ZNF233: variants seen among roughly 807,000 people sequenced by gnomAD.
The protein encoded by ZNF233 is zinc finger protein 233.
In ZNF233, 7 loss-of-function variants were observed where a neutral mutation model predicts 11.6. That is an observed-to-expected ratio of 0.60 (90% CI 0.34 to 1.13). ZNF233 has a LOEUF of 1.13. ZNF233 is among the 50% of genes most tolerant of loss of function. The probability of loss-of-function intolerance (pLI) is 0.03; values close to 1 mark genes in which losing one functional copy is unlikely to be tolerated. For missense variants in ZNF233, 711 were observed against 785.5 expected, an observed-to-expected ratio of 0.91 and a Z score of 1.13; for synonymous variants, 226 against 268.5, an observed-to-expected ratio of 0.84 and a Z score of 1.55.
Position 44,266,962 on chromosome 19 carries a change from G to T in ZNF233, c.238+1G>T. The T allele has an allele frequency of 6.2e-7, 1 of 1,612,192 alleles. No homozygotes were observed. The highest frequency in any genetic ancestry group is 8.5e-7 in the Non-Finnish European group (1 of 1,178,562). ...GAAATCCAAGGAGATGGGTGTTCAG[G>T]TGAGAACCATGGAGCTCTGAGTCTT... On this transcript the variant is annotated splice_donor_variant, in intron 4 of 4. Transcript: ENST00000683810. LOFTEE classifies it high-confidence loss of function.
At chr19:44,272,857 G>C in intron 4 of ZNF233, 42 bp from the exon 5 acceptor site, 2 of 1,363,782 alleles carry the variant, frequency 1.5e-6, no homozygotes, top group Non-Finnish European at 2.0e-6. Context: ...CAAATGTTCA[G>C]TTGTCTTCAT....
At position 44,273,763 on chromosome 19, in the gene ZNF233, A is replaced by G. The variant is rs377469482; in HGVS notation, c.1103A>G (p.Lys368Arg). 17 of 1,614,060 alleles carry G rather than the reference A, an allele frequency of 1.1e-5. No individual in the cohort carries two copies. The African/African-American group carries it at 2.0e-4, about 19-fold the overall frequency. Reference protein sequence around the residue: ...PSHELTHPGEKLCTCGRCGKG... With the variant: ...PSHELTHPGERLCTCGRCGKG... The stretch of plus-strand genomic sequence containing the variant: ...CATGAGCTTACTCACCCAGGAGAGA[A>G]GTTGTGTACATGTGGCAGGTGTGGG... Residue 368 changes from lysine (K) to arginine (R), a missense_variant, in exon 5 of 5, where the codon AAG becomes AGG. Coordinates refer to ENST00000683810, the MANE Select transcript of ZNF233 (RefSeq NM_001207005.2).
chr19:44,267,355 T>TC (rs1013856686), intron 4 of ZNF233: 5 of 384,730 alleles, frequency 1.3e-5, no homozygotes, highest in East Asian at 3.7e-5. Flanking sequence ...AGGGTGCTTT[T>TC]TTTTTTTTTT....
intron 4 of ZNF233, among the ~76,000 whole-genome samples, chr19:44,271,138 T>C (rs1358555727): frequency 6.6e-6 from 1 of 152,234 alleles, no homozygotes; most frequent in Non-Finnish European, 1.5e-5. Context: ...TGTTCACTAA[T>C]TGAATATTAT....
chr19:44,261,307 G>A (rs891616838), intron 1 of ZNF233, among the ~76,000 whole-genome samples: 1 of 151,716 alleles, frequency 6.6e-6, no homozygotes, highest in Admixed American at 6.6e-5. Context: ...ACACACCTGT[G>A]GTCCCAGCTA....
Position 44,273,318 on chromosome 19 carries a change from C to T in ZNF233, c.658C>T (p.His220Tyr), listed in dbSNP as rs1025624467. The stretch of plus-strand genomic sequence containing the variant: ...TCATTGTGTTAGGCAAAGAATTGCT[C>T]ATCAACATGATGATCATGGAGTACA... ...CDHCVRQRIAHQHDDHGVHKR... is the reference protein window; with the variant it reads ...CDHCVRQRIAYQHDDHGVHKR... The change falls in exon 5 of 5, where the codon CAT becomes TAT. Residue 220 changes from histidine to tyrosine, a missense_variant. His to Tyr is a moderately conservative substitution (Grantham distance 83). Coordinates refer to ENST00000683810, the MANE Select transcript of ZNF233 (RefSeq NM_001207005.2). 7.4e-6 allele frequency: 12 copies of T among 1,614,108 alleles called. No individual in the cohort carries two copies. The highest frequency in any genetic ancestry group is 1.0e-5 in the Non-Finnish European group (12 of 1,180,024).
chr19:44,261,648 CTTTTTTT>C (rs910276344), intron 1 of ZNF233, among the ~76,000 whole-genome samples: 5 of 128,286 alleles, frequency 3.9e-5, no homozygotes, highest in South Asian at 2.5e-4. Flanking sequence ...AATGATTTCA[CTTTTTTT>C]TTTTTTTTTT....
intron 2 of ZNF233, among the ~76,000 whole-genome samples, chr19:44,265,350 T>C (rs1975043545): frequency 7.0e-6 from 1 of 142,178 alleles, no homozygotes; most frequent in Admixed American, 7.5e-5. Context: ...CTGAGTAGTA[T>C]TCCATCATAT....
chr19:44,275,052 C>G lies in ZNF233; in HGVS notation c.*379C>G, dbSNP rs546082140. 47 of 406,554 alleles carry G rather than the reference C, an allele frequency of 1.2e-4. No homozygotes were observed. The highest frequency in any genetic ancestry group is 8.8e-4 in the African/African-American group (43 of 48,760). 25.2% of individuals were successfully genotyped at this position (406,554 alleles called of 1,614,324 possible). A position where few individuals can be genotyped will look rare whatever the true frequency, so the allele number is the denominator to read the frequency against. ...AGTATAATGAGGGACATGACAAAAT[C>G]TGTGTCCACTAGAATCTAAGCTCCA... On this transcript the variant is annotated 3_prime_UTR_variant, in exon 5 of 5. Coordinates refer to ENST00000683810, the MANE Select transcript of ZNF233 (RefSeq NM_001207005.2).
intron 4 of ZNF233, among the ~76,000 whole-genome samples, chr19:44,271,596 G>T (rs1200368703): frequency 6.6e-6 from 1 of 151,480 alleles, no homozygotes; most frequent in Admixed American, 6.6e-5. Context: ...TGCAAGCTCT[G>T]CCTCCTGGGT....
chr19:44,271,512 A>ATTT (rs777837579), intron 4 of ZNF233, among the ~76,000 whole-genome samples: 88 of 143,002 alleles, frequency 6.2e-4, no homozygotes, highest in African/African-American at 2.1e-3. Context: ...AGAGGAGAGG[A>ATTT]TTTTTTTTTT....
intron 4 of ZNF233, among the ~76,000 whole-genome samples, chr19:44,272,578 C>CA (rs1406693743): frequency 3.3e-5 from 5 of 151,098 alleles, no homozygotes; most frequent in African/African-American, 4.9e-5. Flanking sequence ...ACTAAAAATA[C>CA]AAAAAAATGA....
At chr19:44,267,381 T>TCTCA (rs1975120995) in intron 4 of ZNF233, 1 of 396,874 alleles carries the variant, frequency 2.5e-6, no homozygotes, top group African/African-American at 2.1e-5. Context: ...TTAAGACAGG[T>TCTCA]CTCACTCTGT....
chr19:44,266,836 C>T (rs1194615266), intron 3 of ZNF233, 30 bp from the exon 4 acceptor site: 1 of 1,569,252 alleles, frequency 6.4e-7, no homozygotes, highest in Non-Finnish European at 8.7e-7. Context: ...AATGCATTCA[C>T]TTTATATATA....
rs764720485 is a variant in ZNF233 at position 44,266,904 on chromosome 19, G to A, written c.181G>A (p.Gly61Arg). The change falls in exon 4 of 5, where the codon GGA (glycine) becomes AGA (arginine). Residue 61 changes from glycine to arginine, a missense_variant. Coordinates refer to ENST00000683810, the MANE Select transcript of ZNF233 (RefSeq NM_001207005.2). ...CAAACTAGATGTGATATTACAGTTGGGAAAAGAAGACAAGCTTCGGATGAT... is the reference window on the plus strand; with the variant it reads ...CAAACTAGATGTGATATTACAGTTGAGAAAAGAAGACAAGCTTCGGATGAT... ...PFKLDVILQL[G>R]KEDKLRMMET... 7 of 1,613,822 alleles carry A rather than the reference G, an allele frequency of 4.3e-6. No individual in the cohort carries two copies. Among genetic ancestry groups the A allele is most frequent in the Non-Finnish European group, 5.9e-6 (7 of 1,179,880 alleles).
intron 2 of ZNF233, among the ~76,000 whole-genome samples, chr19:44,265,742 T>C (rs1165342967): frequency 2.1e-4 from 32 of 152,188 alleles, no homozygotes; most frequent in Admixed American, 2.1e-3. Context: ...TATGTACTCA[T>C]TGATTGATGG....
chr19:44,264,136 T>C (rs906427606), intron 1 of ZNF233, among the ~76,000 whole-genome samples, 178 bp from the exon 2 acceptor site: 1 of 152,130 alleles, frequency 6.6e-6, no homozygotes, highest in African/African-American at 2.4e-5. Flanking sequence ...GAGATGGGGT[T>C]TCGTCATGTT....
chr19:44,262,440 G>A (rs575438335), intron 1 of ZNF233, among the ~76,000 whole-genome samples: 1 of 152,324 alleles, frequency 6.6e-6, no homozygotes, highest in East Asian at 1.9e-4. Context: ...AGTGAGCAGA[G>A]CTGAGCCAGG....
chr19:44,265,711 C>T (rs1454498304), intron 2 of ZNF233, among the ~76,000 whole-genome samples: 9 of 152,158 alleles, frequency 5.9e-5, no homozygotes, highest in African/African-American at 2.2e-4. Flanking sequence ...TGAGCCACTG[C>T]GGCCGGCCAC....
Sources: gnomAD v4.1 joint callset for allele counts (sites outside exome capture counted in the v4.1 genomes callset) on GRCh38, gnomAD v4.1.1 for gene constraint, MANE v1.5 for transcripts, NCBI Gene and HGNC (gene_info 2026-07-23, HGNC 2026-07-21) for gene names.